ZNF98: variants seen among roughly 807,000 people sequenced by gnomAD.
ZNF98 encodes the protein zinc finger protein 739.
A neutral mutation model predicts 12.8 loss-of-function variants in ZNF98; 8 were observed. That is an observed-to-expected ratio of 0.63 (90% confidence interval 0.37 to 1.13). The LOEUF (loss-of-function observed/expected upper bound fraction) is 1.13. Among genes scored for constraint, ZNF98 ranks in the 50% most tolerant of loss-of-function variants. The pLI is 0.01. For missense variants in ZNF98, 379 were observed against 666.1 expected, an observed-to-expected ratio of 0.57 and a Z score of 4.74; for synonymous variants, 112 against 223.5, an observed-to-expected ratio of 0.50 and a Z score of 4.45.
At chr19:22,419,814 G>A (rs1290623897) in intron 1 of ZNF98, among the ~76,000 whole-genome samples, 1 of 152,076 alleles carries the variant, frequency 6.6e-6, no homozygotes, top group African/African-American at 2.4e-5. Context: ...ACAGGATACA[G>A]AACAGAGATA....
intron 1 of ZNF98, among the ~76,000 whole-genome samples, chr19:22,407,400 AT>A (rs113043868): frequency 0.34 from 47,763 of 139,764 alleles, 9,110 homozygotes; most frequent in Non-Finnish European, 0.45. Flanking sequence ...GAATTCACTG[AT>A]TTTTTTTTTT....
intron 1 of ZNF98, among the ~76,000 whole-genome samples, chr19:22,416,004 C>T (rs2145122247): frequency 7.2e-6 from 1 of 138,896 alleles, no homozygotes; most frequent in East Asian, 2.1e-4. Flanking sequence ...CTTAGCTGGG[C>T]GTGGTGGCAG....
At chr19:22,398,882 A>G (rs2145110727) in intron 3 of ZNF98, among the ~76,000 whole-genome samples, 1 of 152,364 alleles carries the variant, frequency 6.6e-6, no homozygotes, top group Admixed American at 6.5e-5. Context: ...TAAAGCCACC[A>G]TTAAAAATCA....
At chr19:22,397,118 C>CA (rs371698742) in intron 3 of ZNF98, among the ~76,000 whole-genome samples, 62,008 of 128,660 alleles carry the variant, frequency 0.48, 13,287 homozygotes, top group Non-Finnish European at 0.53. Flanking sequence ...GACTCTGTCT[C>CA]AAAAAAAAAC....
intron 1 of ZNF98, among the ~76,000 whole-genome samples, chr19:22,407,248 G>T (rs1230734112): frequency 2.0e-5 from 3 of 151,708 alleles, no homozygotes; most frequent in Non-Finnish European, 4.4e-5. Context: ...GTAGAGATAG[G>T]GTTTCATCTT....
At chr19:22,415,876 C>T (rs1969634712) in intron 1 of ZNF98, among the ~76,000 whole-genome samples, 2 of 144,678 alleles carry the variant, frequency 1.4e-5, no homozygotes, top group African/African-American at 2.6e-5. Context: ...AGGTGGATCA[C>T]AAGGTCAGGA....
At chr19:22,414,258 AAAGC>A (rs1969615383) in intron 1 of ZNF98, among the ~76,000 whole-genome samples, 1 of 147,684 alleles carries the variant, frequency 6.8e-6, no homozygotes, top group African/African-American at 2.5e-5. Context: ...AAAAAAAAAG[AAAGC>A]AAGCAAGAAA....
At chr19:22,420,851 A>C (rs1405897227) in intron 1 of ZNF98, among the ~76,000 whole-genome samples, 2 of 152,252 alleles carry the variant, frequency 1.3e-5, no homozygotes, top group Non-Finnish European at 2.9e-5. Context: ...TAGGGAAGAC[A>C]AAAGAAAAAG....
At chr19:22,412,879 C>T (rs1473185104) in intron 1 of ZNF98, among the ~76,000 whole-genome samples, 2 of 151,590 alleles carry the variant, frequency 1.3e-5, no homozygotes, top group Non-Finnish European at 2.9e-5. Context: ...GGTGAAACCT[C>T]GTCTCTACTA....
intron 3 of ZNF98, among the ~76,000 whole-genome samples, chr19:22,394,019 A>T (rs1173330157): frequency 6.7e-6 from 1 of 148,210 alleles, no homozygotes; most frequent in African/African-American, 2.5e-5. Flanking sequence ...TCAAAAAGTG[A>T]GCAAAGGATG....
At chr19:22,402,509 G>C (rs1385197885) in intron 3 of ZNF98, 1 of 412,976 alleles carries the variant, frequency 2.4e-6, no homozygotes, top group Non-Finnish European at 4.2e-6. Flanking sequence ...AAAGCAGTCA[G>C]ATTTCACAGT....
At position 22,392,860 on chromosome 19, in the gene ZNF98, G is replaced by A. The variant is rs771667243; in HGVS notation, c.375C>T (p.Tyr125=). 3.1e-6 allele frequency: 5 copies of A among 1,609,292 alleles called. No individual in the cohort carries two copies. The East Asian group carries it at 6.7e-5, about 22-fold the overall frequency. ...CGRENLQLRK[Y]CKSMDECKVH... is the part of the protein sequence containing the mutation. Reference sequence around the variant, plus strand: ...CCTTACACTCATCCATGCTTTTACAGTATTTTCTTAACTGTAAATTTTCAC... The same window carrying A: ...CCTTACACTCATCCATGCTTTTACAATATTTTCTTAACTGTAAATTTTCAC... Residue 125 remains tyrosine (Y), a synonymous_variant, in exon 4 of 4, where the codon TAC becomes TAT. Transcript: ENST00000357774.
intron 1 of ZNF98, among the ~76,000 whole-genome samples, chr19:22,417,287 T>C (rs914537688): frequency 1.4e-5 from 1 of 71,326 alleles, no homozygotes; most frequent in African/African-American, 6.2e-5. Flanking sequence ...TAAGAACACA[T>C]AAAAACAAAG....
At chr19:22,420,484 A>C (rs1008584855) in intron 1 of ZNF98, among the ~76,000 whole-genome samples, 3 of 152,184 alleles carry the variant, frequency 2.0e-5, no homozygotes, top group Admixed American at 1.3e-4. Context: ...TTGGTGGACC[A>C]GCAATCTGTC....
rs749999804 is a variant in ZNF98 at position 22,402,827 on chromosome 19, C to T, written c.215G>A (p.Trp72Ter). The part of the protein sequence containing the change: ...ITCLEQGKEP[W>*]NVKRHEMVTE... Reference sequence around the variant, plus strand: ...TACCATCTCATGTCTCTTCACATTCCAAGGTTCTTTTCCTTGCTCCAGACA... The same window carrying T: ...TACCATCTCATGTCTCTTCACATTCTAAGGTTCTTTTCCTTGCTCCAGACA... Residue 72 changes from tryptophan to a stop codon, truncating the protein, a stop_gained, in exon 3 of 4, where the codon TGG becomes TAG. Coordinates refer to ENST00000357774, the MANE Select transcript of ZNF98 (RefSeq NM_001098626.2). LOFTEE classifies it low-confidence loss of function (END_TRUNC). 4 of 1,596,336 alleles carry T rather than the reference C, an allele frequency of 2.5e-6. No individual in the cohort carries two copies. The highest frequency in any genetic ancestry group is 1.8e-5 in the Admixed American group (1 of 54,800).
At chr19:22,419,424 A>G (rs1389380935) in intron 1 of ZNF98, among the ~76,000 whole-genome samples, 1 of 152,040 alleles carries the variant, frequency 6.6e-6, no homozygotes, top group Non-Finnish European at 1.5e-5. Context: ...TCTGCGAGAG[A>G]GGCTCTTCAG....
chr19:22,395,178 G>GAAAAAAAAA (rs71180538), intron 3 of ZNF98, among the ~76,000 whole-genome samples: 1 of 99,884 alleles, frequency 1.0e-5, no homozygotes, highest in Non-Finnish European at 1.9e-5. Context: ...GTTTCAAAAA[G>GAAAAAAAAA]AAAAAAAAAA....
intron 3 of ZNF98, among the ~76,000 whole-genome samples, chr19:22,397,216 G>A (rs1195469972): frequency 6.6e-6 from 1 of 150,498 alleles, no homozygotes; most frequent in African/African-American, 2.5e-5. Flanking sequence ...GTGTTTTTGT[G>A]TGTGTGTGTG....
chr19:22,413,418 T>C (rs1024400031), intron 1 of ZNF98, among the ~76,000 whole-genome samples: 1 of 152,072 alleles, frequency 6.6e-6, no homozygotes, highest in Non-Finnish European at 1.5e-5. Context: ...GTACAAAAAT[T>C]AGTAGCATCC....
Sources: gnomAD v4.1 joint callset for allele counts (sites outside exome capture counted in the v4.1 genomes callset) on GRCh38, gnomAD v4.1.1 for gene constraint, MANE v1.5 for transcripts, NCBI Gene and HGNC (gene_info 2026-07-23, HGNC 2026-07-21) for gene names.